BFAR: variants seen among roughly 807,000 people sequenced by gnomAD.
BFAR encodes RING finger protein 47.
BFAR carries 52 observed loss-of-function variants against 54.4 expected under a neutral mutation model. The ratio of observed to expected loss-of-function variants is 0.96; its 90% CI spans 0.77 to 1.21. The LOEUF (loss-of-function observed/expected upper bound fraction) is 1.21, where lower values mean the gene tolerates loss of function less well. Ranked by LOEUF, BFAR falls within the 50% of genes most tolerant of loss-of-function variation. The pLI is 0.00. For synonymous variants in BFAR, 215 were observed against 204.3 expected (o/e 1.05, Z -0.45); for missense variants, 571 against 534.0 (o/e 1.07, Z -0.68).
intron 7 of BFAR, chr16:14,667,396 G>T: frequency 2.1e-6 from 1 of 477,190 alleles, no homozygotes; most frequent in Non-Finnish European, 3.7e-6. Flanking sequence ...GTGAAGTTGA[G>T]GCTGTCACAG....
intron 1 of BFAR, among the ~76,000 whole-genome samples, chr16:14,642,156 G>A (rs560706405): frequency 3.3e-5 from 5 of 152,300 alleles, no homozygotes; most frequent in Admixed American, 6.5e-5. Flanking sequence ...CAGTGTGGGC[G>A]GCGGAGAGCA....
intron 1 of BFAR, among the ~76,000 whole-genome samples, chr16:14,636,701 T>C (rs772719196): frequency 6.6e-6 from 1 of 152,212 alleles, no homozygotes; most frequent in Non-Finnish European, 1.5e-5. Context: ...GGTGTCGGGC[T>C]GGGGGACGGT....
intron 4 of BFAR, among the ~76,000 whole-genome samples, chr16:14,654,721 C>T (rs981155269): frequency 1.3e-5 from 2 of 151,890 alleles, no homozygotes; most frequent in Non-Finnish European, 2.9e-5. Context: ...TGTTAAACAC[C>T]TGATTTCAAG....
At chr16:14,655,537 G>A (rs1423405539) in intron 5 of BFAR, among the ~76,000 whole-genome samples, 2 of 148,348 alleles carry the variant, frequency 1.3e-5, no homozygotes, top group Admixed American at 6.8e-5. Flanking sequence ...AGGTTCAAGC[G>A]ATTCTCCTAC....
chr16:14,659,244 G>GTTT (rs1404121780), intron 5 of BFAR, among the ~76,000 whole-genome samples: 2 of 141,276 alleles, frequency 1.4e-5, no homozygotes, highest in Non-Finnish European at 3.1e-5. Flanking sequence ...GTTTTTTTTT[G>GTTT]TTTTTTGTTT....
intron 1 of BFAR, among the ~76,000 whole-genome samples, chr16:14,638,853 G>A (rs965185182): frequency 5.9e-5 from 9 of 152,014 alleles, no homozygotes; most frequent in African/African-American, 1.9e-4. Context: ...GCTGAGGCAT[G>A]AGAATTGCTT....
intron 7 of BFAR, 111 bp from the exon 8 acceptor site, chr16:14,667,523 TC>T (rs1412882536): frequency 1.0e-6 from 1 of 997,710 alleles, no homozygotes; most frequent in Non-Finnish European, 1.5e-6. Flanking sequence ...ACAAGGACAT[TC>T]AGCACGGGCA....
intron 4 of BFAR, among the ~76,000 whole-genome samples, chr16:14,652,405 C>T (rs1727115832): frequency 1.3e-5 from 2 of 151,652 alleles, no homozygotes; most frequent in South Asian, 2.1e-4. Context: ...CTCAGCTTCC[C>T]GAGTAGCTAG....
intron 1 of BFAR, among the ~76,000 whole-genome samples, chr16:14,639,591 A>G (rs1251536266): frequency 6.6e-6 from 1 of 152,174 alleles, no homozygotes; most frequent in African/African-American, 2.4e-5. Context: ...CTAAAGTGCT[A>G]GGATTACAGG....
At chr16:14,658,821 T>G (rs1053847735) in intron 5 of BFAR, among the ~76,000 whole-genome samples, 2 of 152,170 alleles carry the variant, frequency 1.3e-5, no homozygotes, top group South Asian at 4.1e-4. Context: ...ATCACTACCA[T>G]GTCCTGCTTG....
At chr16:14,639,092 G>A (rs1298950569) in intron 1 of BFAR, among the ~76,000 whole-genome samples, 1 of 152,148 alleles carries the variant, frequency 6.6e-6, no homozygotes, top group African/African-American at 2.4e-5. Context: ...GCCTCCTGGA[G>A]AATAGCCCTC....
chr16:14,642,523 C>G (rs1056048410), intron 1 of BFAR, among the ~76,000 whole-genome samples: 1 of 152,158 alleles, frequency 6.6e-6, no homozygotes, highest in African/African-American at 2.4e-5. Context: ...TTGTCATTTG[C>G]TTACCTTTTG....
intron 2 of BFAR, among the ~76,000 whole-genome samples, chr16:14,646,618 C>T (rs1959804273): frequency 6.6e-6 from 1 of 152,068 alleles, no homozygotes; most frequent in Admixed American, 6.6e-5. Context: ...CCTGCCTCAG[C>T]CTCCCAAGTA....
intron 4 of BFAR, among the ~76,000 whole-genome samples, chr16:14,653,562 A>T (rs1208396960): frequency 6.6e-6 from 1 of 151,326 alleles, no homozygotes; most frequent in African/African-American, 2.4e-5. Flanking sequence ...CTGACCTCAG[A>T]TGATCTACCT....
At chr16:14,662,932 A>AGGGTCGT (rs2151844618) in intron 6 of BFAR, among the ~76,000 whole-genome samples, 1 of 152,268 alleles carries the variant, frequency 6.6e-6, no homozygotes, top group African/African-American at 2.4e-5. Flanking sequence ...TCCACATGAG[A>AGGGTCGT]GGGTCGTGAT....
intron 7 of BFAR, among the ~76,000 whole-genome samples, chr16:14,665,539 C>T (rs899770384): frequency 1.7e-4 from 26 of 152,174 alleles, no homozygotes; most frequent in African/African-American, 6.3e-4. Flanking sequence ...TGGATGGTAG[C>T]GAGACAAGAT....
At chr16:14,658,244 C>T (rs1960184236) in intron 5 of BFAR, among the ~76,000 whole-genome samples, 1 of 152,098 alleles carries the variant, frequency 6.6e-6, no homozygotes, top group Non-Finnish European at 1.5e-5. Context: ...ACATAGGGCT[C>T]ACAGATTGGT....
rs1325855403 is a variant in BFAR at position 14,669,011 on chromosome 16, A to G, written c.*1184A>G. ...TTATAAATATGGCATGAAGTGAACT[A>G]TGGCCTTTTATTTCCTTCCAGTGTG... is the stretch of plus-strand genomic sequence containing the variant. On this transcript the variant is annotated 3_prime_UTR_variant, in exon 8 of 8. Transcript: ENST00000261658. 6.6e-6 allele frequency: 3 copies of G among 452,598 alleles called. No individual in the cohort carries two copies. Among genetic ancestry groups the G allele is most frequent in the African/African-American group, 2.0e-5 (1 of 49,966 alleles). The allele number at this position is 452,598 out of a possible 1,614,324, so 28.0% of individuals were successfully genotyped here.
chr16:14,654,116 ATTC>A (rs1396944667), intron 4 of BFAR, among the ~76,000 whole-genome samples: 2 of 142,532 alleles, frequency 1.4e-5, no homozygotes, highest in Non-Finnish European at 3.0e-5. Context: ...GGTTCACGCC[ATTC>A]TTCTGCCTCA....
Sources: gnomAD v4.1 joint callset for allele counts (sites outside exome capture counted in the v4.1 genomes callset) on GRCh38, gnomAD v4.1.1 for gene constraint, MANE v1.5 for transcripts, NCBI Gene and HGNC (gene_info 2026-07-23, HGNC 2026-07-21) for gene names.